The following CCDC192 variants were observed in gnomAD, a reference collection of about 807,000 sequenced individuals.
CCDC192 encodes the protein coiled-coil domain-containing protein 192.
chr5:127,784,652 CT>C, intron 3 of CCDC192: 2 of 735,752 alleles, frequency 2.7e-6, no homozygotes, highest in Non-Finnish European at 4.6e-6. Flanking sequence ...TCACCATCAA[CT>C]TGCTCCAAAT....
intron 2 of CCDC192, among the ~76,000 whole-genome samples, chr5:127,711,769 T>C (rs1323772049): frequency 6.6e-6 from 1 of 152,210 alleles, no homozygotes; most frequent in Non-Finnish European, 1.5e-5. Context: ...TATATGTATC[T>C]ATATTTAAAT....
intron 1 of CCDC192, among the ~76,000 whole-genome samples, chr5:127,704,760 A>C (rs1750864440): frequency 6.6e-6 from 1 of 152,050 alleles, no homozygotes; most frequent in Non-Finnish European, 1.5e-5. Flanking sequence ...AAAGCAGCTA[A>C]AGAGATAACA....
intron 5 of CCDC192, among the ~76,000 whole-genome samples, chr5:127,828,009 C>T (rs1405081902): frequency 1.3e-5 from 2 of 152,118 alleles, no homozygotes; most frequent in Non-Finnish European, 2.9e-5. Flanking sequence ...CAGGTTCAAG[C>T]GATTCTCCTG....
intron 6 of CCDC192, among the ~76,000 whole-genome samples, chr5:127,934,909 C>T (rs918544364): frequency 6.6e-6 from 1 of 152,160 alleles, no homozygotes; most frequent in Non-Finnish European, 1.5e-5. Flanking sequence ...CATAGTGAGT[C>T]AGAGTAGTGG....
At chr5:127,791,248 CTCCAATG>C (rs1756850470) in intron 3 of CCDC192, among the ~76,000 whole-genome samples, 1 of 152,186 alleles carries the variant, frequency 6.6e-6, no homozygotes, top group Non-Finnish European at 1.5e-5. Context: ...TCAATATTTA[CTCCAATG>C]TCCAATAAAA....
intron 6 of CCDC192, among the ~76,000 whole-genome samples, chr5:127,934,907 G>T (rs1469908179): frequency 1.3e-5 from 2 of 152,180 alleles, no homozygotes; most frequent in Non-Finnish European, 2.9e-5. Flanking sequence ...CCCATAGTGA[G>T]TCAGAGTAGT....
chr5:127,780,458 T>C (rs748051283), intron 3 of CCDC192, among the ~76,000 whole-genome samples: 2 of 152,230 alleles, frequency 1.3e-5, no homozygotes, highest in Non-Finnish European at 2.9e-5. Flanking sequence ...AAGTGTTCCC[T>C]GATCACTGCA....
intron 3 of CCDC192, among the ~76,000 whole-genome samples, chr5:127,777,446 C>T (rs1430591708): frequency 6.6e-6 from 1 of 152,124 alleles, no homozygotes; most frequent in Non-Finnish European, 1.5e-5. Flanking sequence ...GGCTCATAGG[C>T]AAGAGAGACT....
At chr5:127,866,696 C>T (rs1444997840) in intron 5 of CCDC192, among the ~76,000 whole-genome samples, 1 of 151,924 alleles carries the variant, frequency 6.6e-6, no homozygotes, top group Admixed American at 6.6e-5. Flanking sequence ...TCAAAACATT[C>T]ACCTACATAC....
chr5:127,886,464 C>T (rs953781944), intron 6 of CCDC192, among the ~76,000 whole-genome samples: 10 of 152,078 alleles, frequency 6.6e-5, no homozygotes, highest in Non-Finnish European at 1.3e-4. Flanking sequence ...CTCTGCCACC[C>T]CTGAGATGAC....
intron 3 of CCDC192, chr5:127,785,371 GA>G (rs1454740160): frequency 2.3e-6 from 1 of 425,540 alleles, no homozygotes; most frequent in Non-Finnish European, 4.6e-6. Flanking sequence ...TTTGTCAGGT[GA>G]TTTTTGAATT....
intron 2 of CCDC192, among the ~76,000 whole-genome samples, chr5:127,749,284 C>T (rs1263354003): frequency 3.3e-5 from 5 of 152,060 alleles, no homozygotes; most frequent in Non-Finnish European, 7.4e-5. Context: ...TGAAATATGT[C>T]CCATCAAGAC....
chr5:127,894,483 G>A (rs1752824349), intron 6 of CCDC192, among the ~76,000 whole-genome samples: 3 of 151,954 alleles, frequency 2.0e-5, no homozygotes, highest in East Asian at 1.9e-4. Context: ...GAGCCACCGC[G>A]CCTGGCCAAT....
chr5:127,890,198 C>A lies in CCDC192; in HGVS notation c.535+14537C>A, dbSNP rs1013308186. Among the ~76,000 whole-genome samples the A allele has an allele frequency of 6.6e-5, 10 of 151,988 alleles. 1 individual carries two copies. The highest frequency in any genetic ancestry group is 6.6e-4 in the Admixed American group (10 of 15,254). On this transcript the variant is annotated intron_variant, in intron 6 of 6. Coordinates refer to ENST00000514853, the MANE Select transcript of CCDC192 (RefSeq NM_001317938.2). ...GACCAGACTAGGCAGGATAGTGAGACCCCATTTCTACAAAAATTTTTTTAA... is the reference window on the plus strand; with the variant it reads ...GACCAGACTAGGCAGGATAGTGAGAACCCATTTCTACAAAAATTTTTTTAA...
In CCDC192 at chr5:127,703,501, G is replaced by A; in HGVS notation, c.56G>A (p.Arg19Lys). 5 of 398,964 alleles carry A rather than the reference G, an allele frequency of 1.3e-5. No homozygotes were observed. Among genetic ancestry groups the A allele is most frequent in the Non-Finnish European group, 2.2e-5 (5 of 226,024 alleles). 24.7% of individuals were successfully genotyped at this position (398,964 alleles called of 1,614,324 possible). A position where few individuals can be genotyped will look rare whatever the true frequency, so the allele number is the denominator to read the frequency against. The change falls in exon 1 of 7, where the codon AGA (arginine) becomes AAA (lysine). Residue 19 changes from arginine to lysine, a missense_variant. By Grantham distance (26) the Arg-to-Lys change is conservative (BLOSUM62 2). Coordinates refer to ENST00000514853, the MANE Select transcript of CCDC192 (RefSeq NM_001317938.2). The part of the protein sequence containing the change: ...SVVPESDTSE[R>K]SSMTSGSSES... ...GTCCCAGAGTCTGACACCTCAGAGA[G>A]AAGCAGGTGAGTTCCCAGCTCCTCT...
At chr5:127,925,736 A>G (rs757517036) in intron 6 of CCDC192, among the ~76,000 whole-genome samples, 3 of 152,178 alleles carry the variant, frequency 2.0e-5, no homozygotes, top group Non-Finnish European at 4.4e-5. Context: ...ACCCACTTCA[A>G]CTCTGCTATT....
intron 3 of CCDC192, among the ~76,000 whole-genome samples, chr5:127,787,890 T>C (rs1435134361): frequency 1.3e-5 from 2 of 152,142 alleles, no homozygotes; most frequent in Non-Finnish European, 2.9e-5. Flanking sequence ...GAGACCAACC[T>C]GGCCAACATG....
At position 127,884,440 on chromosome 5, in the gene CCDC192, C is replaced by A. The variant is rs867784683; in HGVS notation, c.535+8779C>A. Among the ~76,000 whole-genome samples, 12 of 144,128 alleles carry A rather than the reference C, an allele frequency of 8.3e-5. No homozygotes were observed. The South Asian group carries it at 2.3e-3, about 28-fold the overall frequency. 94.6% of individuals were successfully genotyped at this position (144,128 alleles called of 152,430 possible). On this transcript the variant is annotated intron_variant, in intron 6 of 6. Transcript: ENST00000514853. The stretch of plus-strand genomic sequence containing the variant: ...CTATCTTATATCATTACCATATATT[C>A]TTTTTTTTCCTTAGGTAGTTAGCAC...
chr5:127,897,137 A>T (rs1201240068), intron 6 of CCDC192, among the ~76,000 whole-genome samples: 1 of 152,084 alleles, frequency 6.6e-6, no homozygotes, highest in African/African-American at 2.4e-5. Context: ...AGCAAAATAA[A>T]TAGCTACACA....
Sources: gnomAD v4.1 joint callset for allele counts (sites outside exome capture counted in the v4.1 genomes callset) on GRCh38, gnomAD v4.1.1 for gene constraint, MANE v1.5 for transcripts, NCBI Gene and HGNC (gene_info 2026-07-23, HGNC 2026-07-21) for gene names.